LRP1B: variants seen among roughly 807,000 people sequenced by gnomAD.
The protein encoded by LRP1B is low-density lipoprotein receptor-related protein 1B.
A neutral mutation model predicts 556.6 loss-of-function variants in LRP1B; 217 were observed. The observed-to-expected ratio is 0.39, with a 90% CI of 0.35 to 0.44. The LOEUF (loss-of-function observed/expected upper bound fraction) is 0.44. Ranked by LOEUF, LRP1B falls within the 20% of genes least tolerant of loss-of-function variation. The probability of loss-of-function intolerance (pLI) is 1.00; values close to 1 mark genes in which losing one functional copy is unlikely to be tolerated. For synonymous variants in LRP1B, 2,047 were observed against 1,865.8 expected, an observed-to-expected ratio of 1.10 and a Z score of -2.50; for missense variants, 5,053 against 5,620.8, an observed-to-expected ratio of 0.90 and a Z score of 3.23.
rs569753610 is a variant in LRP1B, at chr2:140,641,475, G to A, written c.6800-39836C>T. Among the ~76,000 whole-genome samples, 6 of 152,308 alleles carry A rather than the reference G, an allele frequency of 3.9e-5. No individual in the cohort carries two copies. The South Asian group carries it at 1.0e-3, about 26-fold the overall frequency. On this transcript the variant is annotated intron_variant, in intron 41 of 90. Transcript: ENST00000389484. The stretch of plus-strand genomic sequence containing the variant: ...AAGATTTCTAAAGTTTTCCAAAATA[G>A]GCATTAAGCTCTCTTACCACCTTGA...
chr2:141,470,520 T>G (rs1441236992), intron 3 of LRP1B, among the ~76,000 whole-genome samples: 3 of 152,186 alleles, frequency 2.0e-5, no homozygotes, highest in Non-Finnish European at 2.9e-5. Flanking sequence ...AGGAGGATGC[T>G]GAAGCATCAT....
At chr2:140,848,801 G>A (rs1475447505) in intron 29 of LRP1B, among the ~76,000 whole-genome samples, 1 of 152,014 alleles carries the variant, frequency 6.6e-6, no homozygotes, top group Non-Finnish European at 1.5e-5. Context: ...ATCACAATGT[G>A]CCAAACTTTA....
At position 140,501,705 on chromosome 2, in the gene LRP1B, G is replaced by A. The variant is rs769739604; in HGVS notation, c.8832C>T (p.Asp2944=). ...TACCTACCTTATAACTGACCGGAAG[G>A]TCTTGACAGTCTTGAGAACATCCAC... ...KVSGCSQDCQ[D]LPVSYKCKCW... The change falls in exon 55 of 91, where the codon GAC becomes GAT. Residue 2944 remains aspartate (D), a synonymous_variant. Coordinates refer to ENST00000389484, the MANE Select transcript of LRP1B (RefSeq NM_018557.3). 3 of 1,610,438 alleles carry A rather than the reference G, an allele frequency of 1.9e-6. No individual in the cohort carries two copies. The highest frequency in any genetic ancestry group is 2.5e-6 in the Non-Finnish European group (3 of 1,177,910).
intron 37 of LRP1B, among the ~76,000 whole-genome samples, chr2:140,711,082 T>C (rs1559069905): frequency 1.3e-5 from 2 of 152,054 alleles, no homozygotes. Flanking sequence ...ATATCCAGAA[T>C]AAAAGTAGAG....
chr2:142,007,440 C>A (rs1035928971), intron 1 of LRP1B, among the ~76,000 whole-genome samples: 2 of 152,108 alleles, frequency 1.3e-5, no homozygotes, highest in Admixed American at 1.3e-4. Context: ...GGTATACTGA[C>A]ATAGAGAAAA....
chr2:142,029,885 G>GACA (rs150185045), intron 1 of LRP1B, among the ~76,000 whole-genome samples: 10,203 of 151,484 alleles, frequency 0.067, 450 homozygotes, highest in East Asian at 0.2. Context: ...TTTCTATTGT[G>GACA]ACAAGATTAA....
chr2:141,834,726 A>C (rs1697214160), intron 1 of LRP1B, among the ~76,000 whole-genome samples: 1 of 151,954 alleles, frequency 6.6e-6, no homozygotes, highest in Non-Finnish European at 1.5e-5. Flanking sequence ...AAGGATTGGG[A>C]TCAGAAGTTG....
intron 21 of LRP1B, among the ~76,000 whole-genome samples, chr2:140,910,529 G>T (rs1237272200): frequency 1.3e-5 from 2 of 151,684 alleles, no homozygotes; most frequent in Non-Finnish European, 3.0e-5. Context: ...TCACTGGACA[G>T]TCAATAAGCC....
At chr2:141,475,067 A>G (rs1479162055) in intron 3 of LRP1B, among the ~76,000 whole-genome samples, 1 of 152,164 alleles carries the variant, frequency 6.6e-6, no homozygotes, top group Non-Finnish European at 1.5e-5. Context: ...ATTCCCACAG[A>G]CATTTAAATA....
intron 1 of LRP1B, among the ~76,000 whole-genome samples, chr2:141,912,409 G>T (rs1699927639): frequency 6.6e-6 from 1 of 152,060 alleles, no homozygotes; most frequent in South Asian, 2.1e-4. Context: ...TATCAATAAT[G>T]ATCAACACTA....
chr2:141,937,974 T>C (rs1035253717), intron 1 of LRP1B, among the ~76,000 whole-genome samples: 3 of 152,206 alleles, frequency 2.0e-5, no homozygotes, highest in African/African-American at 7.2e-5. Flanking sequence ...GTATTCTTGG[T>C]GCTTTTCTCA....
chr2:141,997,262 A>G (rs967596413), intron 1 of LRP1B, among the ~76,000 whole-genome samples: 1 of 152,004 alleles, frequency 6.6e-6, no homozygotes, highest in Non-Finnish European at 1.5e-5. Flanking sequence ...TATTTGTGTT[A>G]CGTTTCAAAT....
chr2:140,631,611 T>G (rs981778609), intron 41 of LRP1B, among the ~76,000 whole-genome samples: 1 of 152,022 alleles, frequency 6.6e-6, no homozygotes, highest in African/African-American at 2.4e-5. Flanking sequence ...CGAGCTAAAA[T>G]GCAATCATCA....
At chr2:140,988,275 T>C (rs938013798) in intron 17 of LRP1B, among the ~76,000 whole-genome samples, 3 of 151,984 alleles carry the variant, frequency 2.0e-5, no homozygotes, top group African/African-American at 7.2e-5. Context: ...TCTCTGGAGG[T>C]CCTTTTCTCT....
At chr2:141,268,939 C>G (rs1684990499) in intron 3 of LRP1B, among the ~76,000 whole-genome samples, 1 of 152,002 alleles carries the variant, frequency 6.6e-6, no homozygotes. Context: ...GATTCCAAGC[C>G]AAAAGAGGCA....
intron 2 of LRP1B, among the ~76,000 whole-genome samples, chr2:141,718,263 G>A (rs1034328171): frequency 6.6e-6 from 1 of 152,124 alleles, no homozygotes; most frequent in African/African-American, 2.4e-5. Flanking sequence ...CAGACTGATT[G>A]GCATTTTTTT....
chr2:141,660,036 C>A (rs993502128), intron 2 of LRP1B, among the ~76,000 whole-genome samples: 3 of 151,912 alleles, frequency 2.0e-5, no homozygotes, highest in East Asian at 3.9e-4. Flanking sequence ...CAGAGAGGGG[C>A]CAAAAGGGCC....
At chr2:141,378,098 G>A (rs1465308526) in intron 3 of LRP1B, among the ~76,000 whole-genome samples, 3 of 152,076 alleles carry the variant, frequency 2.0e-5, no homozygotes. Flanking sequence ...ATAACAAACA[G>A]CTACAAGCCA....
intron 3 of LRP1B, among the ~76,000 whole-genome samples, chr2:141,479,080 T>C (rs889426619): frequency 3.9e-5 from 6 of 152,180 alleles, no homozygotes; most frequent in Admixed American, 1.3e-4. Context: ...GTCAGCGTAA[T>C]TGGACCTTCC....
Sources: allele counts gnomAD v4.1 joint callset (sites outside exome capture counted in the v4.1 genomes callset), GRCh38; gene constraint gnomAD v4.1.1; transcripts MANE v1.5; gene names NCBI Gene and HGNC (gene_info 2026-07-23, HGNC 2026-07-21).